POC1B: variants seen among roughly 807,000 people sequenced by gnomAD.
POC1B encodes POC1 centriolar protein homolog B.
POC1B carries 44 observed loss-of-function variants against 60.6 expected under a neutral mutation model. The observed-to-expected ratio is 0.73, with a 90% CI of 0.57 to 0.93. The LOEUF is 0.93. POC1B is among the 40% of genes least tolerant of loss of function. The pLI is 0.00. For synonymous variants in POC1B, 180 were observed against 198.9 expected (o/e 0.90, Z 0.80); for missense variants, 555 against 572.3 (o/e 0.97, Z 0.31).
At chr12:89,422,602 A>G (rs753210020) in intron 11 of POC1B, among the ~76,000 whole-genome samples, 6 of 152,206 alleles carry the variant, frequency 3.9e-5, no homozygotes, top group Non-Finnish European at 7.3e-5. Context: ...GCAGATTAAT[A>G]ATGTTTGGTC....
intron 10 of POC1B, among the ~76,000 whole-genome samples, chr12:89,440,070 C>T (rs771809753): frequency 6.6e-6 from 1 of 152,216 alleles, no homozygotes; most frequent in Non-Finnish European, 1.5e-5. Flanking sequence ...TCCCCAGCTC[C>T]TACCTAGTGT....
At chr12:89,416,454 T>G (rs1187948519), downstream of POC1B, among the ~76,000 whole-genome samples, 2 of 152,064 alleles carry the variant, frequency 1.3e-5, no homozygotes, top group African/African-American at 4.8e-5. Context: ...GGGGAAGGGA[T>G]AAAGAATGTA....
At chr12:89,494,576 G>T (rs1022927091) in intron 3 of POC1B, among the ~76,000 whole-genome samples, 6 of 152,166 alleles carry the variant, frequency 3.9e-5, no homozygotes, top group Admixed American at 2.0e-4. Context: ...ATGTCTCTCT[G>T]CTTCAAAGGA....
chr12:89,514,987 C>T (rs2135762916), intron 2 of POC1B, among the ~76,000 whole-genome samples: 1 of 152,268 alleles, frequency 6.6e-6, no homozygotes, highest in African/African-American at 2.4e-5. Context: ...TTCACATCCT[C>T]CTCTCTGTAA....
intron 2 of POC1B, chr12:89,500,290 A>C: frequency 6.5e-7 from 1 of 1,538,790 alleles, no homozygotes; most frequent in Admixed American, 1.8e-5. Flanking sequence ...CACGCAAAAT[A>C]AAAGACACTT....
intron 2 of POC1B, chr12:89,523,576 C>T: frequency 6.3e-7 from 1 of 1,584,808 alleles, no homozygotes; most frequent in African/African-American, 1.4e-5. Context: ...GTCATACGTT[C>T]CAAGGTACTG....
chr12:89,471,145 G>T (rs1882874356), intron 6 of POC1B, among the ~76,000 whole-genome samples: 1 of 152,058 alleles, frequency 6.6e-6, no homozygotes, highest in Non-Finnish European at 1.5e-5. Flanking sequence ...GTAAACACTG[G>T]AAAAGCTACT....
intron 9 of POC1B, among the ~76,000 whole-genome samples, chr12:89,464,999 C>CA (rs35372269): frequency 9.6e-4 from 142 of 148,642 alleles, no homozygotes; most frequent in African/African-American, 3.0e-3. Context: ...CTTAAGGTCA[C>CA]AAAAAAAAAA....
intron 2 of POC1B, among the ~76,000 whole-genome samples, chr12:89,511,915 G>A (rs534348511): frequency 6.6e-5 from 10 of 152,146 alleles, no homozygotes; most frequent in South Asian, 2.1e-4. Context: ...TGAGCCAGGC[G>A]TGGTGGCGTG....
intron 2 of POC1B, among the ~76,000 whole-genome samples, chr12:89,498,814 T>C (rs2135744595): frequency 6.6e-6 from 1 of 152,246 alleles, no homozygotes; most frequent in South Asian, 2.1e-4. Flanking sequence ...CTGTGTATCA[T>C]GCTGCAAACG....
downstream of POC1B, among the ~76,000 whole-genome samples, chr12:89,416,022 G>A (rs60013673): frequency 5.1e-3 from 783 of 152,308 alleles, 14 homozygotes; most frequent in African/African-American, 0.018. Context: ...GTGAAGCATA[G>A]AGCAATGTTT....
chr12:89,524,652 T>C, intron 2 of POC1B: 1 of 1,240,286 alleles, frequency 8.1e-7, no homozygotes, highest in South Asian at 1.4e-5. Flanking sequence ...CAGCAGGTTC[T>C]TCCTTTCATG....
chr12:89,523,232 C>G (rs757150262), intron 2 of POC1B: 5 of 1,614,030 alleles, frequency 3.1e-6, no homozygotes, highest in Non-Finnish European at 2.5e-6. Flanking sequence ...CCTGGTCTAT[C>G]CTCTGGAACA....
chr12:89,451,991 C>T (rs1882061797), intron 10 of POC1B, among the ~76,000 whole-genome samples: 1 of 152,202 alleles, frequency 6.6e-6, no homozygotes, highest in African/African-American at 2.4e-5. Context: ...GAGACAAGCA[C>T]TTTTCAGGGA....
At position 89,446,430 on chromosome 12, in the gene POC1B, G is replaced by T. The variant is rs570578124; in HGVS notation, c.1113+13208C>A. ...ATGGAATACTATGCAGCCATAAAAA[G>T]GATGAGTTCATGTCCTTTTTAGGGA... On this transcript the variant is annotated intron_variant, in intron 10 of 11. Coordinates refer to ENST00000313546, the MANE Select transcript of POC1B (RefSeq NM_172240.3). 2.0e-5 allele frequency among the ~76,000 whole-genome samples: 3 copies of T among 152,246 alleles called. No individual in the cohort carries two copies. The East Asian group carries it at 5.8e-4, about 29-fold the overall frequency.
downstream of POC1B, among the ~76,000 whole-genome samples, chr12:89,417,020 T>C (rs534278487): frequency 6.6e-6 from 1 of 152,316 alleles, no homozygotes; most frequent in South Asian, 2.1e-4. Flanking sequence ...TTAAGTATAT[T>C]CCATAATTAT....
At chr12:89,455,172 A>G (rs568945599) in intron 10 of POC1B, among the ~76,000 whole-genome samples, 25 of 152,052 alleles carry the variant, frequency 1.6e-4, no homozygotes, top group African/African-American at 5.5e-4. Flanking sequence ...TGTCTGTACT[A>G]AAAAATACAA....
intron 11 of POC1B, among the ~76,000 whole-genome samples, chr12:89,423,464 A>G (rs1196869023): frequency 6.6e-6 from 1 of 152,176 alleles, no homozygotes; most frequent in African/African-American, 2.4e-5. Context: ...ACATTATCAC[A>G]GTTCCAAATG....
chr12:89,523,457 G>C, intron 2 of POC1B: 1 of 1,614,036 alleles, frequency 6.2e-7, no homozygotes, highest in Non-Finnish European at 8.5e-7. Flanking sequence ...GCCCGCTTGG[G>C]GAACACATGG....
Sources: gnomAD v4.1 joint callset for allele counts (sites outside exome capture counted in the v4.1 genomes callset) on GRCh38, gnomAD v4.1.1 for gene constraint, MANE v1.5 for transcripts, NCBI Gene and HGNC (gene_info 2026-07-23, HGNC 2026-07-21) for gene names.